The following SNTG1 variants were observed in gnomAD, a reference collection of about 807,000 sequenced individuals.
SNTG1 encodes gamma-1-syntrophin.
In SNTG1, 39 loss-of-function variants were observed where a neutral mutation model predicts 74.7. The observed-to-expected ratio is 0.52, with a 90% confidence interval of 0.40 to 0.68. The LOEUF is 0.68. Among genes scored for constraint, SNTG1 ranks in the 30% least tolerant of loss-of-function variants. The pLI, the probability that SNTG1 is intolerant of heterozygous loss-of-function variation, is 0.00. For missense variants in SNTG1, 685 were observed against 609.5 expected, an observed-to-expected ratio of 1.12 and a Z score of -1.30; for synonymous variants, 254 against 217.1, an observed-to-expected ratio of 1.17 and a Z score of -1.49.
chr8:50,385,713 G>T (rs1441143581), intron 2 of SNTG1, among the ~76,000 whole-genome samples: 2 of 152,180 alleles, frequency 1.3e-5, no homozygotes. Flanking sequence ...AACTGCTTCT[G>T]ATGGGCCTTA....
intron 2 of SNTG1, among the ~76,000 whole-genome samples, chr8:50,344,784 A>T (rs969284732): frequency 9.2e-5 from 14 of 152,182 alleles, no homozygotes; most frequent in African/African-American, 3.4e-4. Context: ...TATGAGCTGA[A>T]TTGCATTTCA....
chr8:50,588,681 C>G (rs2094670603), intron 12 of SNTG1, among the ~76,000 whole-genome samples: 1 of 152,030 alleles, frequency 6.6e-6, no homozygotes, highest in Non-Finnish European at 1.5e-5. Flanking sequence ...CCTGGGATAA[C>G]ATAAATTGTT....
At chr8:50,582,678 T>C (rs1479914706) in intron 12 of SNTG1, among the ~76,000 whole-genome samples, 1 of 152,114 alleles carries the variant, frequency 6.6e-6, no homozygotes, top group African/African-American at 2.4e-5. Flanking sequence ...AAGCATAACA[T>C]ATTTTTTTTA....
chr8:50,670,023 G>A (rs199519545), intron 15 of SNTG1, among the ~76,000 whole-genome samples: 1 of 152,102 alleles, frequency 6.6e-6, no homozygotes, highest in Non-Finnish European at 1.5e-5. Flanking sequence ...AATAAATTAG[G>A]TATTGATGGG....
rs188596804 is a variant in SNTG1 at position 50,103,932 on chromosome 8, G to C, written c.-102-68629G>C. On this transcript the variant is annotated intron_variant, in intron 1 of 18. Coordinates refer to ENST00000642720, the MANE Select transcript of SNTG1 (RefSeq NM_018967.5). ...AAGCCCACTTGATCATGCTGGATAA[G>C]CTTTTTGATGTGCTGCTGGATTTGG... is the stretch of plus-strand genomic sequence containing the variant. Among the ~76,000 whole-genome samples, 417 of 152,252 alleles carry C rather than the reference G, an allele frequency of 2.7e-3. 4 individuals are homozygous for C. Among genetic ancestry groups the C allele is most frequent in the Non-Finnish European group, 2.8e-3 (191 of 68,016 alleles).
At chr8:50,162,816 T>C (rs2082471120) in intron 1 of SNTG1, among the ~76,000 whole-genome samples, 1 of 152,140 alleles carries the variant, frequency 6.6e-6, no homozygotes. Context: ...CCCACTGCTG[T>C]TCCTGGAGGT....
At chr8:50,628,299 C>A (rs1446768918) in intron 13 of SNTG1, among the ~76,000 whole-genome samples, 1 of 151,870 alleles carries the variant, frequency 6.6e-6, no homozygotes, top group Non-Finnish European at 1.5e-5. Flanking sequence ...TTGATTTAAG[C>A]CTCGGAATTG....
rs146900499 is a variant in SNTG1 at position 50,460,187 on chromosome 8, C to G, written c.363+9458C>G. On this transcript the variant is annotated intron_variant, in intron 8 of 18. Transcript: ENST00000642720. ...TTATTAACAGACATTCTGAATGGTG[C>G]GAGATGGTATCTCCTGTGATTTTAA... 1.5e-3 allele frequency among the ~76,000 whole-genome samples: 235 copies of G among 152,112 alleles called. 1 individual carries two copies. The highest frequency in any genetic ancestry group is 5.4e-3 in the African/African-American group (223 of 41,532).
chr8:49,980,875 C>A lies in SNTG1; in HGVS notation c.-103+68644C>A, dbSNP rs549893036. Among the ~76,000 whole-genome samples the A allele has an allele frequency of 8.5e-5, 13 of 152,210 alleles. No individual in the cohort carries two copies. The South Asian group carries it at 2.7e-3, about 32-fold the overall frequency. On this transcript the variant is annotated intron_variant, in intron 1 of 18. Coordinates refer to ENST00000642720, the MANE Select transcript of SNTG1 (RefSeq NM_018967.5). ...CACAGACTGTACACTTTTATGATTT[C>A]TATTCATATTTTTCTCACTTTTGCT...
chr8:49,925,534 A>G (rs1479682746), intron 1 of SNTG1, among the ~76,000 whole-genome samples: 1 of 152,180 alleles, frequency 6.6e-6, no homozygotes. Context: ...AACCACTCTC[A>G]CAATCAAGAT....
intron 12 of SNTG1, among the ~76,000 whole-genome samples, chr8:50,577,393 C>T (rs962687262): frequency 2.0e-5 from 3 of 147,864 alleles, no homozygotes; most frequent in South Asian, 4.2e-4. Context: ...AATTCACTTT[C>T]TTAGTATTTT....
chr8:50,131,114 G>A (rs1372898097), intron 1 of SNTG1, among the ~76,000 whole-genome samples: 1 of 152,068 alleles, frequency 6.6e-6, no homozygotes, highest in East Asian at 1.9e-4. Flanking sequence ...TAAGCTTCCA[G>A]TGGATATAGA....
intron 13 of SNTG1, among the ~76,000 whole-genome samples, chr8:50,615,777 A>C (rs76247896): frequency 0.011 from 1,642 of 152,340 alleles, 36 homozygotes; most frequent in African/African-American, 0.037. Context: ...TGTGTGCCAC[A>C]AAAATAGCAG....
At chr8:50,711,178 GGTAATT>G (rs2095460581) in intron 17 of SNTG1, among the ~76,000 whole-genome samples, 1 of 151,976 alleles carries the variant, frequency 6.6e-6, no homozygotes, top group South Asian at 2.1e-4. Context: ...ATGATAAAAA[GGTAATT>G]GTTACATACA....
rs555532477 is a variant in SNTG1, at chr8:50,688,304, T to C, written c.1039-16296T>C. On this transcript the variant is annotated intron_variant, in intron 15 of 18. Transcript: ENST00000642720. ...TTTTGGCTTTTGTTGCCATTGCTTTTGGTATTTTAGACATGAAGTCCTCGC... is the reference window on the plus strand; with the variant it reads ...TTTTGGCTTTTGTTGCCATTGCTTTCGGTATTTTAGACATGAAGTCCTCGC... Among the ~76,000 whole-genome samples the C allele has an allele frequency of 3.2e-4, 48 of 152,334 alleles. No individual in the cohort carries two copies. The East Asian group carries it at 7.7e-3, about 24-fold the overall frequency.
chr8:50,147,457 T>C (rs181927866), intron 1 of SNTG1, among the ~76,000 whole-genome samples: 1 of 152,290 alleles, frequency 6.6e-6, no homozygotes, highest in Non-Finnish European at 1.5e-5. Context: ...GAAAACTTGT[T>C]TTTTACAGAA....
rs192735686 is a variant in SNTG1 at position 49,972,953 on chromosome 8, T to C, written c.-103+60722T>C. Among the ~76,000 whole-genome samples, 567 of 152,310 alleles carry C rather than the reference T, an allele frequency of 3.7e-3. 6 individuals are homozygous for C. Among genetic ancestry groups the C allele is most frequent in the African/African-American group, 0.011 (469 of 41,550 alleles). The stretch of plus-strand genomic sequence containing the variant: ...AATTCAACCATTGTGGAAGTTGGTG[T>C]GGCGATTCCTCAGGGATCTAGAACT... On this transcript the variant is annotated intron_variant, in intron 1 of 18. Transcript: ENST00000642720.
intron 17 of SNTG1, among the ~76,000 whole-genome samples, chr8:50,717,889 T>C (rs971701286): frequency 1.3e-5 from 2 of 152,176 alleles, no homozygotes; most frequent in Admixed American, 6.5e-5. Flanking sequence ...CCAGCGACCC[T>C]TTGCTACTGT....
intron 2 of SNTG1, among the ~76,000 whole-genome samples, chr8:50,207,384 T>G (rs1296081096): frequency 6.6e-6 from 1 of 152,192 alleles, no homozygotes; most frequent in Non-Finnish European, 1.5e-5. Flanking sequence ...CTGATGTAGA[T>G]TGTATTTCTA....
Sources: allele counts gnomAD v4.1 joint callset (sites outside exome capture counted in the v4.1 genomes callset), GRCh38; gene constraint gnomAD v4.1.1; transcripts MANE v1.5; gene names NCBI Gene and HGNC (gene_info 2026-07-23, HGNC 2026-07-21).